The following SPATA16 variants were observed in gnomAD, a reference collection of about 807,000 sequenced individuals.
SPATA16 encodes spermatogenesis associated 16, also known as spermatogenesis-associated protein 16.
In SPATA16, 36 loss-of-function variants were observed where a neutral mutation model predicts 63.3. The ratio of observed to expected loss-of-function variants is 0.57; its 90% CI spans 0.44 to 0.75. The LOEUF is 0.75. Among genes scored for constraint, SPATA16 ranks in the 30% least tolerant of loss-of-function variants. The pLI is 0.00. For missense variants in SPATA16, 646 were observed against 679.3 expected, an observed-to-expected ratio of 0.95 and a Z score of 0.54; for synonymous variants, 203 against 216.7, an observed-to-expected ratio of 0.94 and a Z score of 0.56.
intron 4 of SPATA16, among the ~76,000 whole-genome samples, chr3:172,995,243 A>T (rs1328062726): frequency 6.6e-6 from 1 of 152,050 alleles, no homozygotes; most frequent in Non-Finnish European, 1.5e-5. Context: ...GAAGAGTATG[A>T]TGTAGGAGGA....
rs781762551 is a variant in SPATA16, at chr3:172,910,895, GC to G, written c.1587+2765del. Among the ~76,000 whole-genome samples the G allele has an allele frequency of 5.3e-4, 80 of 152,082 alleles. 1 individual carries two copies. The highest frequency in any genetic ancestry group is 2.0e-4 in the Admixed American group (3 of 15,288). ...TTTTGTATTTCCTGTTGGATGTCTT[GC>G]CAGCACCCTATGTGAACATAGGTGC... On this transcript the variant is annotated intron_variant, in intron 10 of 10. Transcript: ENST00000351008.
At position 172,899,208 on chromosome 3, in the gene SPATA16, A is replaced by G. The variant is rs1732072946; in HGVS notation, c.1588-9516T>C. Among the ~76,000 whole-genome samples the G allele has an allele frequency of 2.0e-5, 3 of 151,954 alleles. No individual in the cohort carries two copies. In the South Asian group the frequency reaches 6.2e-4, roughly 31 times the overall value. On this transcript the variant is annotated intron_variant, in intron 10 of 10. Coordinates refer to ENST00000351008, the MANE Select transcript of SPATA16 (RefSeq NM_031955.6). ...TGATTTTCTATTTAGTTGTTCTGTC[A>G]ATTGTTGAGAAAGGGAAGTTGAAAT... is the stretch of plus-strand genomic sequence containing the variant.
At chr3:172,907,742 A>C (rs1215815073) in intron 10 of SPATA16, among the ~76,000 whole-genome samples, 1 of 151,612 alleles carries the variant, frequency 6.6e-6, no homozygotes, top group Non-Finnish European at 1.5e-5. Flanking sequence ...TGCCCAGCTA[A>C]TTTTTTTGTA....
chr3:172,917,380 G>T (rs1361227305), intron 8 of SPATA16, among the ~76,000 whole-genome samples: 1 of 152,186 alleles, frequency 6.6e-6, no homozygotes, highest in African/African-American at 2.4e-5. Context: ...TGCATTTAGA[G>T]GGTGATGAGA....
chr3:172,964,545 G>T lies in SPATA16; in HGVS notation c.934-7721C>A, dbSNP rs1455901019. Among the ~76,000 whole-genome samples, 3 of 152,170 alleles carry T rather than the reference G, an allele frequency of 2.0e-5. No homozygotes were observed. The East Asian group carries it at 5.8e-4, about 29-fold the overall frequency. On this transcript the variant is annotated intron_variant, in intron 5 of 10. Transcript: ENST00000351008. ...CTGCAATTAGTTCATAAGGACAACT[G>T]GGTATTACTAATGAGCTTTAGCCTC...
At chr3:173,062,714 G>C (rs567318724) in intron 2 of SPATA16, among the ~76,000 whole-genome samples, 1 of 152,160 alleles carries the variant, frequency 6.6e-6, no homozygotes, top group Non-Finnish European at 1.5e-5. Context: ...TTAAATATTA[G>C]AGCAGTGGTT....
chr3:173,070,326 C>T (rs891027854), intron 2 of SPATA16, among the ~76,000 whole-genome samples: 5 of 146,160 alleles, frequency 3.4e-5, no homozygotes, highest in Non-Finnish European at 5.9e-5. Context: ...ACCCAGGAGG[C>T]AAAGTTTGCA....
Position 172,889,626 on chromosome 3 carries a change from T to A in SPATA16, c.1654A>T (p.Thr552Ser), listed in dbSNP as rs1360495911. Residue 552 changes from threonine to serine, a missense_variant, in exon 11 of 11, where the codon ACT becomes TCT. Transcript: ENST00000351008. ...ATTTTTGTTTTTTGCCTTCGAGCAGTTCTCAGTTTTTTAGTTTTTAAGAAA... is the reference window on the plus strand; with the variant it reads ...ATTTTTGTTTTTTGCCTTCGAGCAGATCTCAGTTTTTTAGTTTTTAAGAAA... The part of the protein sequence containing the change: ...DSFLKTKKLR[T>S]ARRQKTKMKR... 6.2e-7 allele frequency: 1 copy of A among 1,613,876 alleles called. No homozygotes were observed. The highest frequency in any genetic ancestry group is 2.2e-5 in the East Asian group (1 of 44,878).
At chr3:172,952,899 C>T (rs1246339674) in intron 6 of SPATA16, among the ~76,000 whole-genome samples, 2 of 141,306 alleles carry the variant, frequency 1.4e-5, no homozygotes, top group Non-Finnish European at 3.0e-5. Context: ...GAGATCTCAC[C>T]ACTGCACTAC....
intron 2 of SPATA16, among the ~76,000 whole-genome samples, chr3:173,058,215 A>AAT (rs1337153515): frequency 8.6e-5 from 13 of 152,018 alleles, no homozygotes; most frequent in African/African-American, 2.7e-4. Flanking sequence ...CATGTTAATA[A>AAT]ATATATATAT....
intron 3 of SPATA16, among the ~76,000 whole-genome samples, chr3:173,029,286 C>G (rs531470608): frequency 6.6e-6 from 1 of 151,844 alleles, no homozygotes; most frequent in East Asian, 1.9e-4. Context: ...AGTTTTTTTT[C>G]CCTACTTGCA....
chr3:173,019,926 A>G (rs576920354), intron 3 of SPATA16, among the ~76,000 whole-genome samples: 56 of 152,014 alleles, frequency 3.7e-4, no homozygotes, highest in Non-Finnish European at 5.9e-4. Flanking sequence ...TCAGGGAAAA[A>G]GCAGGTTATT....
intron 5 of SPATA16, among the ~76,000 whole-genome samples, chr3:172,974,540 A>C (rs1297306725): frequency 1.3e-5 from 2 of 151,940 alleles, no homozygotes; most frequent in African/African-American, 4.8e-5. Context: ...TAGGGATTCG[A>C]ATGTATACAT....
At chr3:172,976,083 A>G (rs1734152657) in intron 5 of SPATA16, among the ~76,000 whole-genome samples, 1 of 152,124 alleles carries the variant, frequency 6.6e-6, no homozygotes, top group Admixed American at 6.5e-5. Flanking sequence ...AGCTCCACAC[A>G]GTCTGGAGAA....
At chr3:173,033,830 A>T (rs1007226601) in intron 3 of SPATA16, among the ~76,000 whole-genome samples, 1 of 152,046 alleles carries the variant, frequency 6.6e-6, no homozygotes, top group African/African-American at 2.4e-5. Context: ...TCAGCCTCCC[A>T]GGTAGCTGGG....
chr3:172,994,175 A>G (rs1246953461), intron 4 of SPATA16, among the ~76,000 whole-genome samples: 1 of 152,172 alleles, frequency 6.6e-6, no homozygotes, highest in Non-Finnish European at 1.5e-5. Context: ...AGATTTAGAT[A>G]CCAAGAGTAT....
At chr3:172,961,074 C>CT (rs1334751287) in intron 5 of SPATA16, among the ~76,000 whole-genome samples, 21 of 109,832 alleles carry the variant, frequency 1.9e-4, no homozygotes, top group African/African-American at 8.6e-4. Context: ...TTCTTTCTTC[C>CT]TTCCTTCCTT....
At chr3:172,920,075 GATC>G (rs1309607908) in intron 8 of SPATA16, among the ~76,000 whole-genome samples, 1 of 152,170 alleles carries the variant, frequency 6.6e-6, no homozygotes, top group Non-Finnish European at 1.5e-5. Flanking sequence ...CTCTGGCAAG[GATC>G]ATAACTTTAA....
At chr3:172,922,982 A>G (rs1485871822) in intron 8 of SPATA16, among the ~76,000 whole-genome samples, 5 of 152,076 alleles carry the variant, frequency 3.3e-5, no homozygotes, top group Admixed American at 3.3e-4. Flanking sequence ...AAAAACTAAA[A>G]AACAAAGAGC....
Sources: allele counts gnomAD v4.1 joint callset (sites outside exome capture counted in the v4.1 genomes callset), GRCh38; gene constraint gnomAD v4.1.1; transcripts MANE v1.5; gene names NCBI Gene and HGNC (gene_info 2026-07-23, HGNC 2026-07-21).